The following CIDEA variants were observed in gnomAD, a reference collection of about 807,000 sequenced individuals.
CIDEA encodes lipid transferase CIDEA.
A neutral mutation model predicts 18.2 loss-of-function variants in CIDEA; 10 were observed. That is an observed-to-expected ratio of 0.55 (90% CI 0.34 to 0.93). CIDEA has a LOEUF of 0.93. Ranked by LOEUF, CIDEA falls within the 40% of genes least tolerant of loss-of-function variation. The pLI is 0.02. For missense variants in CIDEA, 309 were observed against 293.1 expected, an observed-to-expected ratio of 1.05 and a Z score of -0.40; for synonymous variants, 128 against 124.8, an observed-to-expected ratio of 1.03 and a Z score of -0.17.
At chr18:12,276,182 C>A (rs1008131592) in intron 4 of CIDEA, among the ~76,000 whole-genome samples, 17 of 151,760 alleles carry the variant, frequency 1.1e-4, no homozygotes, top group African/African-American at 3.9e-4. Context: ...TTAATAGAGA[C>A]GGGGTTTCAC....
chr18:12,258,786 G>A (rs1168116421), intron 1 of CIDEA, among the ~76,000 whole-genome samples: 1 of 152,218 alleles, frequency 6.6e-6, no homozygotes, highest in African/African-American at 2.4e-5. Flanking sequence ...AAGGCAAGGC[G>A]CTAGCTCTCA....
intron 3 of CIDEA, among the ~76,000 whole-genome samples, chr18:12,268,159 G>A (rs1182279909): frequency 1.3e-5 from 2 of 149,996 alleles, no homozygotes; most frequent in African/African-American, 4.9e-5. Flanking sequence ...ATGCCTCCTG[G>A]CTTCAAGGGA....
intron 3 of CIDEA, among the ~76,000 whole-genome samples, chr18:12,270,741 G>A (rs554455470): frequency 5.6e-4 from 81 of 144,892 alleles, no homozygotes; most frequent in Admixed American, 3.2e-3. Context: ...GTCTGTAGAT[G>A]AGACTATTAA....
intron 3 of CIDEA, among the ~76,000 whole-genome samples, chr18:12,265,934 T>C (rs892034741): frequency 6.6e-6 from 1 of 152,182 alleles, no homozygotes; most frequent in African/African-American, 2.4e-5. Context: ...TGCTCACCCA[T>C]GGCTAAGTTT....
intron 1 of CIDEA, among the ~76,000 whole-genome samples, chr18:12,258,653 C>T (rs528015584): frequency 5.0e-4 from 76 of 152,304 alleles, no homozygotes; most frequent in African/African-American, 1.8e-3. Flanking sequence ...GGCCAGGTGC[C>T]GCACCGCTGG....
intron 3 of CIDEA, among the ~76,000 whole-genome samples, chr18:12,267,184 G>A (rs1228288177): frequency 6.6e-6 from 1 of 152,178 alleles, no homozygotes; most frequent in Middle Eastern, 3.2e-3. Flanking sequence ...TGCTTTCCTG[G>A]GCATGAACCT....
At chr18:12,273,842 C>T (rs888726033) in intron 3 of CIDEA, among the ~76,000 whole-genome samples, 10 of 152,302 alleles carry the variant, frequency 6.6e-5, no homozygotes, top group South Asian at 2.1e-4. Context: ...CAGGCCCTGA[C>T]GCCACACCAG....
At chr18:12,274,051 T>C (rs558587330) in intron 3 of CIDEA, 42 bp from the exon 4 acceptor site, 2 of 1,606,924 alleles carry the variant, frequency 1.2e-6, no homozygotes, top group Non-Finnish European at 1.7e-6. Context: ...GTGGGAGGGT[T>C]AGGAAGGCTC....
At chr18:12,265,477 G>T (rs1314875812) in intron 3 of CIDEA, among the ~76,000 whole-genome samples, 2 of 152,204 alleles carry the variant, frequency 1.3e-5, no homozygotes, top group Non-Finnish European at 2.9e-5. Flanking sequence ...AAAGTCAAGG[G>T]GTGAGATGTG....
rs907971179 is a variant in CIDEA, at chr18:12,262,175, GA to G, written c.39-641del. ...AAGCAAGACCCTGTATCTAAAAGGA[GA>G]AAAAAAAAGTAAATTTTTGAATTAA... On this transcript the variant is annotated intron_variant, in intron 1 of 4. Coordinates refer to ENST00000320477, the MANE Select transcript of CIDEA (RefSeq NM_001279.4). Among the ~76,000 whole-genome samples the G allele has an allele frequency of 5.5e-4, 80 of 146,554 alleles. 1 individual carries two copies. The highest frequency in any genetic ancestry group is 2.0e-3 in the African/African-American group (72 of 36,876).
At chr18:12,260,310 G>A (rs1030303812) in intron 1 of CIDEA, among the ~76,000 whole-genome samples, 17 of 151,964 alleles carry the variant, frequency 1.1e-4, no homozygotes, top group Non-Finnish European at 2.5e-4. Context: ...CAAGTAGCTA[G>A]GACTACAGGC....
intron 1 of CIDEA, among the ~76,000 whole-genome samples, chr18:12,257,510 G>T (rs1034582019): frequency 6.6e-6 from 1 of 152,208 alleles, no homozygotes; most frequent in Non-Finnish European, 1.5e-5. Flanking sequence ...CTGTCAGTCT[G>T]TGGCTTGTTG....
chr18:12,269,021 T>A (rs556458955), intron 3 of CIDEA, among the ~76,000 whole-genome samples: 1 of 152,248 alleles, frequency 6.6e-6, no homozygotes, highest in Admixed American at 6.5e-5. Context: ...GGTTTCACTA[T>A]GTTGGCCAGG....
At position 12,269,298 on chromosome 18, in the gene CIDEA, G is replaced by T. The variant is rs142672051; in HGVS notation, c.331-4795G>T. Among the ~76,000 whole-genome samples, 826 of 152,302 alleles carry T rather than the reference G, an allele frequency of 5.4e-3. 4 individuals are homozygous for T. The highest frequency in any genetic ancestry group is 8.6e-3 in the Non-Finnish European group (584 of 68,028). ...CATATTGTTTTGATGGAAGTATGAA[G>T]AAAATCCATCCTGACACAGATATGC... is the stretch of plus-strand genomic sequence containing the variant. On this transcript the variant is annotated intron_variant, in intron 3 of 4. Transcript: ENST00000320477.
intron 2 of CIDEA, 147 bp from the exon 3 acceptor site, chr18:12,264,160 T>C: frequency 2.9e-6 from 2 of 682,778 alleles, no homozygotes; most frequent in East Asian, 3.1e-5. Context: ...GACTGAGTCA[T>C]AGACACAAGT....
In CIDEA at chr18:12,261,778, A is replaced by G. The variant is rs372234461; in HGVS notation, c.39-1047A>G. On this transcript the variant is annotated intron_variant, in intron 1 of 4. Transcript: ENST00000320477. ...TATTTTTTTGTAAAGACAGGGTCTC[A>G]CTATGTTGCCCAGGCTGGTCTCGAA... Among the ~76,000 whole-genome samples, 7 of 151,900 alleles carry G rather than the reference A, an allele frequency of 4.6e-5. No individual in the cohort carries two copies. In the East Asian group the frequency reaches 1.4e-3, roughly 30 times the overall value.
At chr18:12,254,516 C>G in intron 1 of CIDEA, 95 bp downstream of exon 1, 1 of 1,541,332 alleles carries the variant, frequency 6.5e-7, no homozygotes, top group Admixed American at 2.0e-5. Flanking sequence ...TACCGTACCC[C>G]GCTCCCTTCA....
intron 2 of CIDEA, among the ~76,000 whole-genome samples, chr18:12,263,445 A>T (rs1055036183): frequency 1.3e-5 from 2 of 152,232 alleles, no homozygotes; most frequent in African/African-American, 4.8e-5. Flanking sequence ...TAAACTCATC[A>T]GACCCTCTCT....
chr18:12,277,303 C>T lies in CIDEA; in HGVS notation c.*33C>T, dbSNP rs572696617. On this transcript the variant is annotated 3_prime_UTR_variant, in exon 5 of 5. Coordinates refer to ENST00000320477, the MANE Select transcript of CIDEA (RefSeq NM_001279.4). ...GGCTGTCGCCGGCTCTTGAGCCAAA[C>T]ACTGTGTTTCGTTTGGCTCAATGAC... is the stretch of plus-strand genomic sequence containing the variant. The T allele has an allele frequency of 6.2e-6, 10 of 1,612,600 alleles. No homozygotes were observed. The Admixed American group carries it at 8.3e-5, about 13-fold the overall frequency.
Sources: gnomAD v4.1 joint callset for allele counts (sites outside exome capture counted in the v4.1 genomes callset) on GRCh38, gnomAD v4.1.1 for gene constraint, MANE v1.5 for transcripts, NCBI Gene and HGNC (gene_info 2026-07-23, HGNC 2026-07-21) for gene names.